The following KIF11 variants were observed in gnomAD, a reference collection of about 807,000 sequenced individuals.
KIF11 encodes the protein kinesin-like protein KIF11.
KIF11 carries 9 observed loss-of-function variants against 121.0 expected under a neutral mutation model. That is an observed-to-expected ratio of 0.07 (90% CI 0.04 to 0.13). KIF11 has a LOEUF of 0.13. Ranked by LOEUF, KIF11 falls within the 10% of genes least tolerant of loss-of-function variation. KIF11 has a pLI of 1.00. For synonymous variants in KIF11, 408 were observed against 421.0 expected (o/e 0.97, Z 0.38); for missense variants, 846 against 1,217.5 (o/e 0.69, Z 4.54).
chr10:92,647,935 GC>G (rs571306987), intron 18 of KIF11, among the ~76,000 whole-genome samples: 1 of 151,870 alleles, frequency 6.6e-6, no homozygotes, highest in Non-Finnish European at 1.5e-5. Flanking sequence ...ATGGTGAAAT[GC>G]CATCTCTTCA....
At chr10:92,651,610 G>A (rs1844986015) in intron 21 of KIF11, among the ~76,000 whole-genome samples, 1 of 129,436 alleles carries the variant, frequency 7.7e-6, no homozygotes, top group African/African-American at 2.8e-5. Flanking sequence ...CAGGTGATCT[G>A]CCTGCCTCGG....
chr10:92,616,132 C>T (rs902044885), intron 8 of KIF11, among the ~76,000 whole-genome samples: 5 of 151,640 alleles, frequency 3.3e-5, no homozygotes, highest in Admixed American at 1.3e-4. Flanking sequence ...CCACTGTGCC[C>T]GGCTGATATA....
intron 14 of KIF11, among the ~76,000 whole-genome samples, chr10:92,635,812 A>G (rs2135918240): frequency 6.6e-6 from 1 of 152,334 alleles, no homozygotes; most frequent in African/African-American, 2.4e-5. Flanking sequence ...GAATTGATAC[A>G]TTTCTACTTA....
At chr10:92,609,247 G>T (rs767086788) in intron 5 of KIF11, 42 bp downstream of exon 5, 3 of 1,489,206 alleles carry the variant, frequency 2.0e-6, no homozygotes, top group Non-Finnish European at 2.7e-6. Context: ...GAATTTTAAT[G>T]TGTGAGGCTT....
chr10:92,639,826 G>C lies in KIF11; in HGVS notation c.2193G>C (p.Glu731Asp). 1 of 1,612,042 alleles carries C rather than the reference G, an allele frequency of 6.2e-7. No homozygotes were observed. The highest frequency in any genetic ancestry group is 8.5e-7 in the Non-Finnish European group (1 of 1,178,734). ...GCAAGTTAATGAATCTTTGGACAGA[G>C]AGATTCTGTGCTTTGGAGGAAAAGT... ...ELCKLMNLWT[E>D]RFCALEEKCE... Residue 731 changes from glutamate (E) to aspartate (D), a missense_variant, in exon 17 of 22, where the codon GAG becomes GAC. Physicochemically the swap from Glu to Asp is conservative, Grantham distance 45. Around this residue, in one of 5 missense-constraint regions of KIF11, gnomAD observed 492 missense variants for 603.4 expected, o/e 0.82. Coordinates refer to ENST00000260731, the MANE Select transcript of KIF11 (RefSeq NM_004523.4).
chr10:92,633,070 T>TGG (rs5787006), intron 13 of KIF11, among the ~76,000 whole-genome samples: 9 of 151,632 alleles, frequency 5.9e-5, no homozygotes, highest in East Asian at 1.9e-4. Context: ...CAACTTTTTT[T>TGG]GGGGGGGGCA....
At position 92,653,740 on chromosome 10, in the gene KIF11, AC is replaced by A; in HGVS notation, c.3116del (p.Thr1039LysfsTer29). On this transcript the variant is annotated frameshift_variant, in exon 22 of 22. Transcript: ENST00000260731. LOFTEE classifies it high-confidence loss of function. ...GGAGAGGTCTAAAGTGGAAGAAACT[AC>A]AGAGCACTTGGTTACAAAGAGCAGA... ...TLERSKVEETTEHLVTKSRLP... is the reference protein window; with the variant it reads ...TLERSKVEETXEHLVTKSRLP... 6.2e-7 allele frequency: 1 copy of A among 1,613,746 alleles called. No homozygotes were observed.
intron 8 of KIF11, among the ~76,000 whole-genome samples, chr10:92,615,278 C>T (rs932499496): frequency 3.3e-5 from 5 of 152,042 alleles, no homozygotes; most frequent in South Asian, 2.1e-4. Flanking sequence ...TGGTGGTGCG[C>T]GCCTGTAATC....
chr10:92,645,886 TTAG>T (rs1396332613), intron 18 of KIF11, among the ~76,000 whole-genome samples: 5 of 152,102 alleles, frequency 3.3e-5, no homozygotes, highest in Non-Finnish European at 7.4e-5. Flanking sequence ...GGTTTCTGAC[TTAG>T]TAGTTTCTTC....
chr10:92,601,548 T>TA (rs939776079), intron 1 of KIF11, among the ~76,000 whole-genome samples: 2 of 152,022 alleles, frequency 1.3e-5, no homozygotes, highest in African/African-American at 4.8e-5. Context: ...AGCTAGAACT[T>TA]ACAGTATTAT....
intron 14 of KIF11, 127 bp from the exon 15 acceptor site, chr10:92,637,053 AGAAT>A (rs1220611847): frequency 1.2e-5 from 8 of 659,126 alleles, no homozygotes; most frequent in South Asian, 9.8e-5. Context: ...AAAAAAAAAA[AGAAT>A]GGAGAATGGA....
Position 92,630,378 on chromosome 10 carries a change from G to A in KIF11, c.1494+14G>A. ...GCTGCCAGCAAGGTTTGTCCCTTGT[G>A]TTGATTTGTACTCATATTAAGTAGA... On this transcript the variant is annotated intron_variant, in intron 12 of 21. Coordinates refer to ENST00000260731, the MANE Select transcript of KIF11 (RefSeq NM_004523.4). 6 of 1,523,954 alleles carry A rather than the reference G, an allele frequency of 3.9e-6. No homozygotes were observed. Among genetic ancestry groups the A allele is most frequent in the South Asian group, 1.4e-5 (1 of 73,814 alleles). The allele number at this position is 1,523,954 out of a possible 1,614,324, so 94.4% of individuals were successfully genotyped here.
At chr10:92,643,649 C>T (rs575703690) in intron 17 of KIF11, among the ~76,000 whole-genome samples, 1 of 151,016 alleles carries the variant, frequency 6.6e-6, no homozygotes, top group South Asian at 2.1e-4. Context: ...CTCTGCCTCC[C>T]AGGTTCAAGC....
Position 92,650,556 on chromosome 10 carries a change from G to A in KIF11, c.3039+39G>A, listed in dbSNP as rs748881537. On this transcript the variant is annotated intron_variant, in intron 21 of 21. Coordinates refer to ENST00000260731, the MANE Select transcript of KIF11 (RefSeq NM_004523.4). ...GATAACCCTTCCACATCTGATGTAA[G>A]TCATTCATTTACTATTCATTATAAA... 9.4e-5 allele frequency: 102 copies of A among 1,083,624 alleles called. No homozygotes were observed. In the Admixed American group the frequency reaches 1.7e-3, roughly 18 times the overall value. The allele number at this position is 1,083,624 out of a possible 1,614,324, so 67.1% of individuals were successfully genotyped here.
In KIF11 at chr10:92,633,691, T is replaced by C; in HGVS notation, c.1771T>C (p.Ser591Pro). ...ITTVALGSLT[S>P]IPENVSTHVS... The stretch of plus-strand genomic sequence containing the variant: ...TACAGTAGCACTTGGATCTCTCACA[T>C]CTATTCCAGAAAATGTGTCTACTCA... The change falls in exon 14 of 22, where the codon TCT becomes CCT. Residue 591 changes from serine (S) to proline (P), a missense_variant. Coordinates refer to ENST00000260731, the MANE Select transcript of KIF11 (RefSeq NM_004523.4). 1 of 1,602,334 alleles carries C rather than the reference T, an allele frequency of 6.2e-7. No homozygotes were observed. The highest frequency in any genetic ancestry group is 8.5e-7 in the Non-Finnish European group (1 of 1,169,710).
Position 92,653,790 on chromosome 10 carries a change from C to T in KIF11, c.3165C>T (p.Asn1055=). Residue 1055 remains asparagine, a synonymous_variant, in exon 22 of 22, where the codon AAC becomes AAT. Transcript: ENST00000260731. ...KSRLPLRAQI[N]L ...GATTACCTCTGCGAGCCCAGATCAA[C>T]CTTTAATTCACTTGGGGGTTGGCAA... The T allele has an allele frequency of 6.2e-7, 1 of 1,605,766 alleles. No individual in the cohort carries two copies. Among genetic ancestry groups the T allele is most frequent in the Non-Finnish European group, 8.5e-7 (1 of 1,178,080 alleles).
chr10:92,625,599 T>G (rs1435513420), intron 10 of KIF11, among the ~76,000 whole-genome samples: 4 of 152,074 alleles, frequency 2.6e-5, no homozygotes, highest in Non-Finnish European at 4.4e-5. Flanking sequence ...TCTGCCCACC[T>G]CCGCCTCCCA....
At chr10:92,624,838 C>A (rs1012607823) in intron 10 of KIF11, among the ~76,000 whole-genome samples, 1 of 150,260 alleles carries the variant, frequency 6.7e-6, no homozygotes, top group Non-Finnish European at 1.5e-5. Flanking sequence ...GGCACAATCT[C>A]GGCTCACTGC....
intron 8 of KIF11, among the ~76,000 whole-genome samples, chr10:92,614,065 C>CACACACACACACACACACAT (rs1491391031): frequency 4.5e-4 from 53 of 116,548 alleles, no homozygotes; most frequent in African/African-American, 1.7e-3. Flanking sequence ...CACACACACA[C>CACACACACACACACACACAT]ATATAGTAGG....
Sources: allele counts gnomAD v4.1 joint callset (sites outside exome capture counted in the v4.1 genomes callset), GRCh38; gene constraint gnomAD v4.1.1; regional missense constraint gnomAD v4.1.1; transcripts MANE v1.5; gene names NCBI Gene and HGNC (gene_info 2026-07-23, HGNC 2026-07-21).